ZNF618: variants seen among roughly 807,000 people sequenced by gnomAD.
The protein encoded by ZNF618 is neural precursor cell expressed, developmentally down-regulated 10.
A neutral mutation model predicts 103.0 loss-of-function variants in ZNF618; 34 were observed. The ratio of observed to expected loss-of-function variants is 0.33; its 90% CI spans 0.25 to 0.44. ZNF618 has a LOEUF of 0.44. ZNF618 is among the 20% of genes least tolerant of loss of function. The pLI is 1.00. For synonymous variants in ZNF618, 551 were observed against 542.2 expected (o/e 1.02, Z -0.23); for missense variants, 1,059 against 1,295.4 (o/e 0.82, Z 2.80).
chr9:113,986,819 C>T (rs1166325366), intron 2 of ZNF618, among the ~76,000 whole-genome samples: 1 of 152,198 alleles, frequency 6.6e-6, no homozygotes, highest in Non-Finnish European at 1.5e-5. Context: ...AGTTTCCCAA[C>T]CTTTCTCCAC....
intron 1 of ZNF618, among the ~76,000 whole-genome samples, chr9:113,942,601 T>C (rs1834652863): frequency 6.6e-6 from 1 of 152,232 alleles, no homozygotes; most frequent in Non-Finnish European, 1.5e-5. Context: ...CAGTAGGTGC[T>C]CAAGAAGTGA....
chr9:114,042,715 A>C (rs1476739255), intron 13 of ZNF618, among the ~76,000 whole-genome samples: 1 of 152,168 alleles, frequency 6.6e-6, no homozygotes, highest in Non-Finnish European at 1.5e-5. Flanking sequence ...CTGTAGTCCC[A>C]GCTACTTAGG....
chr9:113,990,315 C>A (rs897622942), intron 3 of ZNF618, among the ~76,000 whole-genome samples: 2 of 152,102 alleles, frequency 1.3e-5, no homozygotes, highest in African/African-American at 4.8e-5. Context: ...AAGTGGAAAC[C>A]CCTAGAGATT....
chr9:113,924,797 G>A (rs1268172536), intron 1 of ZNF618, among the ~76,000 whole-genome samples: 1 of 151,872 alleles, frequency 6.6e-6, no homozygotes, highest in Non-Finnish European at 1.5e-5. Context: ...TTATTTAGAA[G>A]TGTGTTATTT....
intron 1 of ZNF618, among the ~76,000 whole-genome samples, chr9:113,936,602 G>A (rs1834046792): frequency 6.6e-6 from 1 of 152,198 alleles, no homozygotes; most frequent in Admixed American, 6.5e-5. Flanking sequence ...GGTCCCCTCT[G>A]AAGCTCGTCT....
chr9:114,045,967 G>A (rs1042706219), intron 13 of ZNF618, among the ~76,000 whole-genome samples: 5 of 152,002 alleles, frequency 3.3e-5, no homozygotes, highest in Non-Finnish European at 7.4e-5. Flanking sequence ...TTAATGGTAA[G>A]TAATTATTTT....
At chr9:113,911,878 T>G (rs1402261023) in intron 1 of ZNF618, among the ~76,000 whole-genome samples, 1 of 152,190 alleles carries the variant, frequency 6.6e-6, no homozygotes, top group African/African-American at 2.4e-5. Context: ...GTAAGTGAAT[T>G]CATTTTCATG....
At chr9:114,007,743 G>T (rs1428690297) in intron 7 of ZNF618, among the ~76,000 whole-genome samples, 2 of 152,204 alleles carry the variant, frequency 1.3e-5, no homozygotes, top group Non-Finnish European at 2.9e-5. Flanking sequence ...GCATTTGCAT[G>T]TTCTGATTAA....
chr9:113,876,942 C>A (rs965895044), intron 1 of ZNF618, among the ~76,000 whole-genome samples: 3 of 147,822 alleles, frequency 2.0e-5, no homozygotes, highest in Non-Finnish European at 4.5e-5. Flanking sequence ...GTAGTTTTTT[C>A]CCATTAAAAC....
At chr9:114,040,836 G>GTA (rs762055558) in intron 13 of ZNF618, among the ~76,000 whole-genome samples, 3 of 152,216 alleles carry the variant, frequency 2.0e-5, no homozygotes, top group Non-Finnish European at 4.4e-5. Context: ...AATCCTTTGG[G>GTA]TATATACCCA....
At chr9:114,004,391 T>A (rs920607442) in intron 6 of ZNF618, among the ~76,000 whole-genome samples, 2 of 152,212 alleles carry the variant, frequency 1.3e-5, no homozygotes, top group African/African-American at 4.8e-5. Flanking sequence ...AATAGTTCCA[T>A]TCTTTTCCGG....
chr9:113,889,751 C>T (rs1054118063), intron 1 of ZNF618, among the ~76,000 whole-genome samples: 10 of 152,204 alleles, frequency 6.6e-5, no homozygotes, highest in African/African-American at 2.4e-4. Flanking sequence ...ACCCACTCAC[C>T]CATTCCATCT....
At chr9:113,910,004 C>T (rs1390671132) in intron 1 of ZNF618, among the ~76,000 whole-genome samples, 5 of 152,088 alleles carry the variant, frequency 3.3e-5, no homozygotes, top group Non-Finnish European at 7.4e-5. Context: ...AGGCTGGTCT[C>T]GAACTCCTGA....
At chr9:113,914,095 A>C (rs916740557) in intron 1 of ZNF618, among the ~76,000 whole-genome samples, 4 of 152,090 alleles carry the variant, frequency 2.6e-5, no homozygotes, top group Non-Finnish European at 5.9e-5. Flanking sequence ...TTTATTTAAC[A>C]TGCTGCTGGC....
At chr9:113,946,225 G>A (rs907233959) in intron 1 of ZNF618, among the ~76,000 whole-genome samples, 2 of 152,146 alleles carry the variant, frequency 1.3e-5, no homozygotes, top group Admixed American at 1.3e-4. Flanking sequence ...GGAAACCTGG[G>A]GTGTTAAAGC....
At chr9:114,024,224 C>G (rs1843302518) in intron 10 of ZNF618, among the ~76,000 whole-genome samples, 1 of 152,122 alleles carries the variant, frequency 6.6e-6, no homozygotes, top group Non-Finnish European at 1.5e-5. Context: ...TTAGAAAAAT[C>G]CATTAAGTGA....
chr9:114,046,375 G>C (rs1011096660), intron 13 of ZNF618, among the ~76,000 whole-genome samples: 2 of 152,050 alleles, frequency 1.3e-5, no homozygotes, highest in Non-Finnish European at 2.9e-5. Flanking sequence ...TGGTACAGTT[G>C]CCTGAAGTAT....
At chr9:114,039,845 G>A (rs1844978350) in intron 13 of ZNF618, among the ~76,000 whole-genome samples, 1 of 152,186 alleles carries the variant, frequency 6.6e-6, no homozygotes, top group Admixed American at 6.5e-5. Context: ...ATCCCTGTCA[G>A]AAATACCTGC....
chr9:113,886,714 G>C (rs950908265), intron 1 of ZNF618, among the ~76,000 whole-genome samples: 1 of 151,882 alleles, frequency 6.6e-6, no homozygotes, highest in South Asian at 2.1e-4. Context: ...TTGTCAGAGG[G>C]GTCTAGAGCT....
Sources: allele counts gnomAD v4.1 joint callset (sites outside exome capture counted in the v4.1 genomes callset), GRCh38; gene constraint gnomAD v4.1.1; transcripts MANE v1.5; gene names NCBI Gene and HGNC (gene_info 2026-07-23, HGNC 2026-07-21).